The following ZMYM6 variants were observed in gnomAD, a reference collection of about 807,000 sequenced individuals.
ZMYM6 encodes the protein zinc finger MYM-type containing 6.
Under a neutral mutation model 134.0 loss-of-function variants are expected in ZMYM6, and 90 were observed. The ratio of observed to expected loss-of-function variants is 0.67; its 90% CI spans 0.57 to 0.80. The LOEUF is 0.80. ZMYM6 is among the 30% of genes least tolerant of loss of function. The pLI, the probability that ZMYM6 is intolerant of heterozygous loss-of-function variation, is 0.00. For synonymous variants in ZMYM6, 481 were observed against 524.1 expected (o/e 0.92, Z 1.12); for missense variants, 1,362 against 1,533.9 (o/e 0.89, Z 1.87).
chr1:35,023,073 C>G (rs1641340943), intron 2 of ZMYM6, among the ~76,000 whole-genome samples: 1 of 151,624 alleles, frequency 6.6e-6, no homozygotes, highest in Non-Finnish European at 1.5e-5. Flanking sequence ...TACAGTTAGT[C>G]AAAAGCAAGC....
chr1:34,992,776 TA>T (rs1640705448), intron 14 of ZMYM6, among the ~76,000 whole-genome samples: 1 of 142,860 alleles, frequency 7.0e-6, no homozygotes, highest in African/African-American at 2.6e-5. Context: ...ACTATAAATA[TA>T]AAAATATACT....
intron 14 of ZMYM6, among the ~76,000 whole-genome samples, chr1:35,003,109 A>G (rs10908304): frequency 0.24 from 35,681 of 150,658 alleles, 10,345 homozygotes; most frequent in African/African-American, 0.69. Flanking sequence ...TTGAGCCCAG[A>G]ATTTCGAGGT....
rs145674342 is a variant in ZMYM6 at position 34,991,775 on chromosome 1, A to C, written c.2146+459T>G. ...ACAAGAGTGAAACTCCATCTCAAAA[A>C]AAACAAACAAACAAACAAAAAAAAA... On this transcript the variant is annotated intron_variant, in intron 15 of 15. Transcript: ENST00000357182. 7.6e-3 allele frequency among the ~76,000 whole-genome samples: 1,160 copies of C among 152,288 alleles called. 24 individuals are homozygous for C. The East Asian group carries it at 0.098, about 13-fold the overall frequency.
intron 10 of ZMYM6, 149 bp downstream of exon 10, chr1:35,010,298 G>A (rs1380140230): frequency 2.0e-6 from 2 of 1,018,670 alleles, no homozygotes; most frequent in East Asian, 2.6e-5. Flanking sequence ...TGGGATTACA[G>A]GCGTGAGCCT....
chr1:35,002,150 C>G (rs1162850238), intron 14 of ZMYM6, among the ~76,000 whole-genome samples: 1 of 152,308 alleles, frequency 6.6e-6, no homozygotes, highest in East Asian at 1.9e-4. Context: ...TCTTCTAATT[C>G]TAGCAAGACT....
Position 34,988,224 on chromosome 1 carries a change from G to C in ZMYM6, c.2858C>G (p.Thr953Ser), listed in dbSNP as rs1427311087. Residue 953 changes from threonine to serine, a missense_variant, in exon 16 of 16, where the codon ACT becomes AGT. Thr to Ser is a moderately conservative substitution (Grantham distance 58, BLOSUM62 1). Transcript: ENST00000357182. ...TATTAGTTCAAATATTTCAAAGCCA[G>C]TTATTTGAGTAGGCATTTCAATGCA... Reference protein sequence around the residue: ...LFCIEMPTQITGFEIFELINK... With the variant: ...LFCIEMPTQISGFEIFELINK... 6.5e-7 allele frequency: 1 copy of C among 1,548,788 alleles called. No individual in the cohort carries two copies. Among genetic ancestry groups the C allele is most frequent in the East Asian group, 2.4e-5 (1 of 40,898 alleles).
At chr1:34,999,721 A>G (rs188333396) in intron 14 of ZMYM6, among the ~76,000 whole-genome samples, 38 of 152,320 alleles carry the variant, frequency 2.5e-4, no homozygotes, top group African/African-American at 7.7e-4. Flanking sequence ...ACCACCAAAC[A>G]GATTAGCAAA....
At chr1:35,029,056 G>A (rs910368021) in intron 2 of ZMYM6, among the ~76,000 whole-genome samples, 7 of 152,102 alleles carry the variant, frequency 4.6e-5, no homozygotes, top group Middle Eastern at 3.4e-3. Context: ...GCCAGGCGTG[G>A]TGGCAGGCGC....
chr1:35,009,664 C>G (rs1037896966), intron 10 of ZMYM6, among the ~76,000 whole-genome samples: 2 of 152,052 alleles, frequency 1.3e-5, no homozygotes, highest in South Asian at 4.2e-4. Flanking sequence ...CAGGCACAGT[C>G]GCTCACGCCT....
intron 13 of ZMYM6, among the ~76,000 whole-genome samples, chr1:35,004,544 G>C (rs890765853): frequency 6.6e-6 from 1 of 152,048 alleles, no homozygotes; most frequent in Non-Finnish European, 1.5e-5. Context: ...GGGAGGCGGA[G>C]GTTGCAGTGA....
intron 4 of ZMYM6, 58 bp from the exon 5 acceptor site, chr1:35,015,220 CCT>C: frequency 4.1e-6 from 6 of 1,454,374 alleles, no homozygotes; most frequent in Non-Finnish European, 5.5e-6. Flanking sequence ...GTAACTTCCT[CCT>C]CTTTGTGAGG....
At chr1:34,991,413 A>G (rs188189718) in intron 15 of ZMYM6, among the ~76,000 whole-genome samples, 1 of 152,304 alleles carries the variant, frequency 6.6e-6, no homozygotes, top group East Asian at 1.9e-4. Context: ...ATAAAAACTT[A>G]CTACTTGTTG....
chr1:35,019,831 C>T (rs551892959), intron 3 of ZMYM6, among the ~76,000 whole-genome samples: 29 of 152,166 alleles, frequency 1.9e-4, no homozygotes, highest in African/African-American at 6.7e-4. Flanking sequence ...TGCCACCACA[C>T]CCAGCTAATT....
Position 35,031,078 on chromosome 1 carries a change from A to G in ZMYM6, c.-74-365T>C, listed in dbSNP as rs113625615. On this transcript the variant is annotated intron_variant, in intron 1 of 15. Coordinates refer to ENST00000357182, the MANE Select transcript of ZMYM6 (RefSeq NM_007167.4). ...TCTGACCCCATAAGAATCAGTACTT[A>G]GAGGCCCACGTCGGCTTTTATTTCT... Among the ~76,000 whole-genome samples, 23 of 152,324 alleles carry G rather than the reference A, an allele frequency of 1.5e-4. 1 individual carries two copies. Among genetic ancestry groups the G allele is most frequent in the African/African-American group, 5.3e-4 (22 of 41,582 alleles).
intron 14 of ZMYM6, among the ~76,000 whole-genome samples, chr1:35,000,208 C>T (rs567586960): frequency 1.3e-3 from 191 of 151,834 alleles, no homozygotes; most frequent in Non-Finnish European, 2.1e-3. Context: ...GGATTACAGG[C>T]GTGAGCCACC....
Position 35,007,181 on chromosome 1 carries a change from G to A in ZMYM6, c.1666-83C>T, listed in dbSNP as rs77203730. 2.0e-3 allele frequency: 2,831 copies of A among 1,403,252 alleles called. 94 individuals carry two copies. The East Asian group carries it at 0.057, about 28-fold the overall frequency. The allele number at this position is 1,403,252 out of a possible 1,614,324, so 86.9% of individuals were successfully genotyped here. ...CATTAATCATAAAAAGAGGGACTAC[G>A]AAAACAGGATATATGAGTCAGTTGA... On this transcript the variant is annotated intron_variant, in intron 11 of 15. Coordinates refer to ENST00000357182, the MANE Select transcript of ZMYM6 (RefSeq NM_007167.4).
intron 4 of ZMYM6, 55 bp downstream of exon 4, chr1:35,019,295 AAAC>A: frequency 6.2e-7 from 1 of 1,609,020 alleles, no homozygotes; most frequent in Non-Finnish European, 8.5e-7. Context: ...TGTTTGAACT[AAAC>A]AATATACACA....
intron 15 of ZMYM6, 130 bp from the exon 16 acceptor site, chr1:34,989,065 G>A (rs747628724): frequency 1.8e-5 from 26 of 1,469,340 alleles, no homozygotes; most frequent in African/African-American, 7.1e-5. Context: ...ACTGGTAAAA[G>A]TTTAAGCACA....
rs190239550 is a variant in ZMYM6, at chr1:34,995,391, T to C, written c.1993-3004A>G. ...CTCTATGTATATAGGGTTCTATATA[T>C]ATATACACACACACACACAATGTTT... On this transcript the variant is annotated intron_variant, in intron 14 of 15. Coordinates refer to ENST00000357182, the MANE Select transcript of ZMYM6 (RefSeq NM_007167.4). Among the ~76,000 whole-genome samples the C allele has an allele frequency of 2.7e-5, 4 of 150,496 alleles. No homozygotes were observed. In the East Asian group the frequency reaches 5.8e-4, roughly 22 times the overall value.
Sources: gnomAD v4.1 joint callset for allele counts (sites outside exome capture counted in the v4.1 genomes callset) on GRCh38, gnomAD v4.1.1 for gene constraint, MANE v1.5 for transcripts, NCBI Gene and HGNC (gene_info 2026-07-23, HGNC 2026-07-21) for gene names.